Variants in ATE1 observed in about 807,000 individuals in gnomAD.
The protein encoded by ATE1 is arginyltransferase 1, also known as arginyl-tRNA--protein transferase 1.
In ATE1, 36 loss-of-function variants were observed where a neutral mutation model predicts 70.5. The ratio of observed to expected loss-of-function variants is 0.51; its 90% CI spans 0.39 to 0.67. The LOEUF (loss-of-function observed/expected upper bound fraction) is 0.67. Ranked by LOEUF, ATE1 falls within the 30% of genes least tolerant of loss-of-function variation. The pLI is 0.00. For missense variants in ATE1, 593 were observed against 629.5 expected (o/e 0.94, Z 0.62); for synonymous variants, 232 against 219.3 (o/e 1.06, Z -0.51).
At chr10:121,834,790 T>G (rs1948373534) in intron 10 of ATE1, among the ~76,000 whole-genome samples, 1 of 152,166 alleles carries the variant, frequency 6.6e-6, no homozygotes, top group South Asian at 2.1e-4. Flanking sequence ...AATGAAAAAC[T>G]TTCAAGAGAA....
chr10:121,833,882 A>G (rs1590427462), intron 10 of ATE1, among the ~76,000 whole-genome samples: 1 of 152,176 alleles, frequency 6.6e-6, no homozygotes, highest in Admixed American at 6.5e-5. Context: ...TGGTACAGTG[A>G]TTCTCTAGTC....
Position 121,911,033 on chromosome 10 carries a change from C to A in ATE1, c.456G>T (p.Glu152Asp). 6.2e-7 allele frequency: 1 copy of A among 1,613,902 alleles called. No individual in the cohort carries two copies. The highest frequency in any genetic ancestry group is 8.5e-7 in the Non-Finnish European group (1 of 1,179,996). Reference protein sequence around the residue: ...TLSDDIKESLESEGKNSKKEE... With the variant: ...TLSDDIKESLDSEGKNSKKEE... ...CTTTCTTTGAATTTTTTCCTTCACT[C>A]TCTAAACTCTCTTTGATGTCATCAC... The change falls in exon 5 of 12, where the codon GAG becomes GAT. Residue 152 changes from glutamate to aspartate, a missense_variant. Around this residue, in one of 3 missense-constraint regions of ATE1, gnomAD observed 467 missense variants for 469.6 expected, o/e 0.99. Transcript: ENST00000224652.
At chr10:121,924,191 G>T in intron 2 of ATE1, 75 bp downstream of exon 2, 1 of 1,386,866 alleles carries the variant, frequency 7.2e-7, no homozygotes, top group Non-Finnish European at 1.0e-6. Context: ...CAACAGGAAA[G>T]CATTTCAAAG....
rs555943554 is a variant in ATE1, at chr10:121,751,118, A to G, written c.1379-7260T>C. On this transcript the variant is annotated intron_variant, in intron 11 of 11. Coordinates refer to ENST00000224652, the MANE Select transcript of ATE1 (RefSeq NM_001001976.3). ...AGCCCATTTGGTGGGAGGCTCAGAA[A>G]TTAATTTGGGACTCCAGCTGAGAGA... 8.5e-5 allele frequency among the ~76,000 whole-genome samples: 13 copies of G among 152,356 alleles called. 2 individuals are homozygous for G. In the South Asian group the frequency reaches 2.5e-3, roughly 29 times the overall value.
At chr10:121,821,223 T>A (rs7082135) in intron 10 of ATE1, among the ~76,000 whole-genome samples, 3 of 152,106 alleles carry the variant, frequency 2.0e-5, no homozygotes, top group African/African-American at 7.2e-5. Flanking sequence ...AGATTCCTGA[T>A]GTGAGCCACC....
intron 10 of ATE1, among the ~76,000 whole-genome samples, chr10:121,815,262 A>T (rs1444752171): frequency 6.6e-6 from 1 of 152,118 alleles, no homozygotes; most frequent in Non-Finnish European, 1.5e-5. Context: ...CAGCCTCCCG[A>T]GTAGCTGGGA....
intron 8 of ATE1, among the ~76,000 whole-genome samples, chr10:121,859,536 G>A (rs567666740): frequency 6.6e-6 from 1 of 152,160 alleles, no homozygotes; most frequent in Non-Finnish European, 1.5e-5. Flanking sequence ...GATTACAGGC[G>A]TGAGCCACAA....
intron 3 of ATE1, among the ~76,000 whole-genome samples, chr10:121,914,520 A>C (rs894495771): frequency 6.6e-6 from 1 of 152,140 alleles, no homozygotes; most frequent in Non-Finnish European, 1.5e-5. Flanking sequence ...AAAAAAAAAA[A>C]GCCAATTTTC....
At chr10:121,870,164 T>C (rs906749119) in intron 7 of ATE1, 126 bp from the exon 8 acceptor site, 11 of 869,084 alleles carry the variant, frequency 1.3e-5, no homozygotes, top group South Asian at 5.2e-5. Flanking sequence ...CCAAAGATTA[T>C]AGAAAATTAA....
intron 10 of ATE1, among the ~76,000 whole-genome samples, chr10:121,831,734 T>C (rs1365171117): frequency 1.3e-5 from 2 of 152,220 alleles, no homozygotes; most frequent in African/African-American, 2.4e-5. Flanking sequence ...AATTCCCACA[T>C]GGCAACATTA....
At chr10:121,763,207 A>C (rs893745187) in intron 11 of ATE1, among the ~76,000 whole-genome samples, 2 of 152,228 alleles carry the variant, frequency 1.3e-5, no homozygotes, top group Non-Finnish European at 2.9e-5. Flanking sequence ...GAGACTTATT[A>C]TCAGTAATGT....
At chr10:121,812,974 C>T (rs1564859110) in intron 10 of ATE1, among the ~76,000 whole-genome samples, 1 of 152,240 alleles carries the variant, frequency 6.6e-6, no homozygotes, top group East Asian at 1.9e-4. Flanking sequence ...TCTTTCACTA[C>T]AACTAACATT....
intron 2 of ATE1, 101 bp downstream of exon 2, chr10:121,924,165 T>G: frequency 9.2e-7 from 1 of 1,090,702 alleles, no homozygotes; most frequent in Non-Finnish European, 1.4e-6. Context: ...ATAAAAATTT[T>G]TCTTAAACCT....
At chr10:121,910,655 G>A (rs188825314) in intron 5 of ATE1, among the ~76,000 whole-genome samples, 8 of 152,266 alleles carry the variant, frequency 5.3e-5, no homozygotes, top group African/African-American at 1.7e-4. Context: ...AAAGTAGTAA[G>A]TAGAAATGGA....
intron 4 of ATE1, among the ~76,000 whole-genome samples, chr10:121,912,048 G>C (rs1306346153): frequency 1.3e-5 from 2 of 151,846 alleles, no homozygotes; most frequent in African/African-American, 4.8e-5. Flanking sequence ...GCCCGGCCAA[G>C]CCCGGCTAAT....
intron 3 of ATE1, among the ~76,000 whole-genome samples, chr10:121,921,449 T>C (rs141386583): frequency 2.2e-4 from 33 of 151,168 alleles, no homozygotes; most frequent in African/African-American, 7.5e-4. Context: ...TCTAGTGTGC[T>C]CTGGAGATTC....
intron 8 of ATE1, among the ~76,000 whole-genome samples, chr10:121,845,861 T>C (rs1252971992): frequency 6.6e-6 from 1 of 152,138 alleles, no homozygotes; most frequent in African/African-American, 2.4e-5. Flanking sequence ...CACAAAGAAA[T>C]ATTTATAAAT....
intron 10 of ATE1, among the ~76,000 whole-genome samples, chr10:121,800,538 T>C (rs538220054): frequency 2.6e-5 from 4 of 152,180 alleles, no homozygotes; most frequent in African/African-American, 2.4e-5. Context: ...GATTTTATAT[T>C]TGAAAAGAGG....
intron 10 of ATE1, among the ~76,000 whole-genome samples, chr10:121,823,891 A>C (rs1947903621): frequency 6.6e-6 from 1 of 152,222 alleles, no homozygotes; most frequent in Non-Finnish European, 1.5e-5. Flanking sequence ...CATTTACATG[A>C]ATTTCAATTC....
Sources: gnomAD v4.1 joint callset for allele counts (sites outside exome capture counted in the v4.1 genomes callset) on GRCh38, gnomAD v4.1.1 for gene constraint, gnomAD v4.1.1 regional missense constraint, MANE v1.5 for transcripts, NCBI Gene and HGNC (gene_info 2026-07-23, HGNC 2026-07-21) for gene names.